FHIP1A: variants seen among roughly 807,000 people sequenced by gnomAD.
FHIP1A encodes FHF complex subunit HOOK-interacting protein 1A.
A neutral mutation model predicts 88.6 loss-of-function variants in FHIP1A; 61 were observed. That is an observed-to-expected ratio of 0.69 (90% confidence interval 0.56 to 0.85). The LOEUF (loss-of-function observed/expected upper bound fraction) is 0.85, where lower values mean the gene tolerates loss of function less well. Ranked by LOEUF, FHIP1A falls within the 40% of genes least tolerant of loss-of-function variation. FHIP1A has a pLI of 0.00. For synonymous variants in FHIP1A, 478 were observed against 496.0 expected (o/e 0.96, Z 0.48); for missense variants, 1,154 against 1,273.5 (o/e 0.91, Z 1.43).
intron 2 of FHIP1A, among the ~76,000 whole-genome samples, chr4:151,472,414 A>G (rs1437134187): frequency 6.6e-6 from 1 of 152,066 alleles, no homozygotes. Context: ...CACTTGGTCC[A>G]TTTTTTTGAC....
chr4:151,426,991 A>G (rs1470599862), intron 1 of FHIP1A, among the ~76,000 whole-genome samples: 2 of 152,158 alleles, frequency 1.3e-5, no homozygotes, highest in Non-Finnish European at 2.9e-5. Flanking sequence ...ATTGTGTTAT[A>G]TCAGAAGTGT....
intron 3 of FHIP1A, among the ~76,000 whole-genome samples, chr4:151,546,527 G>T (rs941862238): frequency 2.0e-5 from 3 of 152,230 alleles, no homozygotes; most frequent in African/African-American, 7.2e-5. Context: ...ATTGTGTAAG[G>T]TATTGGGGAT....
At position 151,614,220 on chromosome 4, in the gene FHIP1A, G is replaced by A. The variant is rs1735430732; in HGVS notation, c.979-15482G>A. Among the ~76,000 whole-genome samples the A allele has an allele frequency of 2.0e-5, 3 of 151,600 alleles. No individual in the cohort carries two copies. In the South Asian group the frequency reaches 6.2e-4, roughly 32 times the overall value. ...ATGCTGGCTCATGCCTCTAATCCCA[G>A]CACTTTGGGAGGCCGAGGCAGGAGG... On this transcript the variant is annotated intron_variant, in intron 7 of 13. Coordinates refer to ENST00000435205, the MANE Select transcript of FHIP1A (RefSeq NM_001109977.3).
chr4:151,637,354 A>G (rs1299436360), intron 8 of FHIP1A, among the ~76,000 whole-genome samples: 1 of 152,164 alleles, frequency 6.6e-6, no homozygotes, highest in Non-Finnish European at 1.5e-5. Context: ...TCAAGGGACA[A>G]CAGCAGGAAC....
chr4:151,578,134 A>G (rs889832606), intron 5 of FHIP1A, 58 bp downstream of exon 5: 1 of 1,430,582 alleles, frequency 7.0e-7, no homozygotes, highest in African/African-American at 1.4e-5. Context: ...TTCTGTTGCT[A>G]GTGATGAATA....
At chr4:151,415,564 C>T (rs1732860502) in intron 1 of FHIP1A, among the ~76,000 whole-genome samples, 1 of 152,164 alleles carries the variant, frequency 6.6e-6, no homozygotes, top group Non-Finnish European at 1.5e-5. Context: ...CTTCAGAGAA[C>T]ATCCTTGAAA....
intron 7 of FHIP1A, among the ~76,000 whole-genome samples, chr4:151,599,912 A>AT (rs773373174): frequency 9.9e-5 from 15 of 152,222 alleles, no homozygotes; most frequent in Non-Finnish European, 4.4e-5. Context: ...CCCCTAATGC[A>AT]TGGGGGCATT....
At chr4:151,507,916 T>G (rs1370225490) in intron 3 of FHIP1A, among the ~76,000 whole-genome samples, 1 of 152,240 alleles carries the variant, frequency 6.6e-6, no homozygotes, top group Non-Finnish European at 1.5e-5. Flanking sequence ...TTTCTGATCC[T>G]GGAAGCTTGA....
intron 7 of FHIP1A, among the ~76,000 whole-genome samples, chr4:151,626,375 T>C (rs1735952110): frequency 6.6e-6 from 1 of 152,186 alleles, no homozygotes; most frequent in South Asian, 2.1e-4. Flanking sequence ...CAGAGAAAGA[T>C]TTATTTCCAA....
chr4:151,662,925 C>T lies in FHIP1A; in HGVS notation c.*171C>T. The T allele has an allele frequency of 1.6e-6, 1 of 622,910 alleles. No individual in the cohort carries two copies. 38.6% of individuals were successfully genotyped at this position (622,910 alleles called of 1,614,324 possible). ...CTTTCCTCTCTCTCTCTAGCCGGGC[C>T]TTTCCACCTTATGTTATATATAGAA... is the stretch of plus-strand genomic sequence containing the variant. On this transcript the variant is annotated 3_prime_UTR_variant, in exon 14 of 14. Coordinates refer to ENST00000435205, the MANE Select transcript of FHIP1A (RefSeq NM_001109977.3).
Position 151,662,526 on chromosome 4 carries a change from A to G in FHIP1A, c.2895A>G (p.Thr965=), listed in dbSNP as rs1271776264. The change falls in exon 14 of 14, where the codon ACA becomes ACG. Residue 965 remains threonine (T), a synonymous_variant. Transcript: ENST00000435205. ...TKDPIQEASR[T]GSGKNLLDGP... is the part of the protein sequence containing the mutation. The stretch of plus-strand genomic sequence containing the variant: ...ATCCCATTCAGGAGGCTTCCAGGAC[A>G]GGAAGTGGCAAGAACCTTTTGGATG... The G allele has an allele frequency of 1.9e-6, 3 of 1,543,288 alleles. No individual in the cohort carries two copies. The East Asian group carries it at 7.4e-5, about 38-fold the overall frequency.
intron 7 of FHIP1A, among the ~76,000 whole-genome samples, chr4:151,621,299 A>T (rs1735733605): frequency 6.6e-6 from 1 of 152,090 alleles, no homozygotes; most frequent in Non-Finnish European, 1.5e-5. Flanking sequence ...GGGACAACAG[A>T]GAGAAACGAA....
At position 151,646,735 on chromosome 4, in the gene FHIP1A, G is replaced by A. The variant is rs1338096604; in HGVS notation, c.1404G>A (p.Met468Ile). The A allele has an allele frequency of 5.8e-6, 9 of 1,546,442 alleles. No homozygotes were observed. In the South Asian group the frequency reaches 8.3e-5, roughly 14 times the overall value. The change falls in exon 10 of 14, where the codon ATG becomes ATA. Residue 468 changes from methionine (M) to isoleucine (I), a missense_variant. Transcript: ENST00000435205. ...ERDYILWSKC[M>I]HDTSGPVERP... ...ATTATATTCTCTGGTCAAAGTGTAT[G>A]CATGACACTTCAGGTAGGAACTCGC...
At chr4:151,443,620 T>C (rs1345415970) in intron 1 of FHIP1A, among the ~76,000 whole-genome samples, 3 of 151,792 alleles carry the variant, frequency 2.0e-5, no homozygotes. Context: ...GTAGAGCTTT[T>C]TTTTTTTTCC....
At chr4:151,417,614 G>C (rs1317082487) in intron 1 of FHIP1A, among the ~76,000 whole-genome samples, 1 of 152,142 alleles carries the variant, frequency 6.6e-6, no homozygotes, top group African/African-American at 2.4e-5. Context: ...TGGAAAGTTG[G>C]GGTTTTCCTT....
rs573521112 is a variant in FHIP1A, at chr4:151,431,975, A to G, written c.-356+22510A>G. ...AGCTGGGTTCTGAATCCAGATCTCT[A>G]AAGCAAAGCTGGTGACCTTAACTAC... is the stretch of plus-strand genomic sequence containing the variant. On this transcript the variant is annotated intron_variant, in intron 1 of 13. Coordinates refer to ENST00000435205, the MANE Select transcript of FHIP1A (RefSeq NM_001109977.3). Among the ~76,000 whole-genome samples, 6 of 152,320 alleles carry G rather than the reference A, an allele frequency of 3.9e-5. No individual in the cohort carries two copies. The South Asian group carries it at 1.2e-3, about 32-fold the overall frequency.
intron 3 of FHIP1A, among the ~76,000 whole-genome samples, chr4:151,534,162 G>A (rs1560753442): frequency 6.6e-6 from 1 of 152,204 alleles, no homozygotes; most frequent in Non-Finnish European, 1.5e-5. Flanking sequence ...AAGAGTATCA[G>A]ACTGGCGTTA....
chr4:151,561,943 C>T (rs770886388), intron 3 of FHIP1A, among the ~76,000 whole-genome samples: 2 of 152,096 alleles, frequency 1.3e-5, no homozygotes, highest in Non-Finnish European at 2.9e-5. Flanking sequence ...ATTGGTATAA[C>T]AGTTGTGATA....
chr4:151,576,026 C>T (rs552238815), intron 4 of FHIP1A, among the ~76,000 whole-genome samples: 1 of 152,200 alleles, frequency 6.6e-6, no homozygotes, highest in Non-Finnish European at 1.5e-5. Context: ...TAAAAATTAT[C>T]GTATGTGTAT....
Sources: gnomAD v4.1 joint callset for allele counts (sites outside exome capture counted in the v4.1 genomes callset) on GRCh38, gnomAD v4.1.1 for gene constraint, MANE v1.5 for transcripts, NCBI Gene and HGNC (gene_info 2026-07-23, HGNC 2026-07-21) for gene names.